Variants in IL18R1 observed in about 807,000 individuals in gnomAD.
IL18R1 encodes the protein interleukin-18 receptor 1.
In IL18R1, 40 loss-of-function variants were observed where a neutral mutation model predicts 48.5. The observed-to-expected ratio is 0.82, with a 90% CI of 0.64 to 1.07. IL18R1 has a LOEUF of 1.07. Among genes scored for constraint, IL18R1 ranks in the 50% least tolerant of loss-of-function variants. IL18R1 has a pLI of 0.00. For missense variants in IL18R1, 596 were observed against 633.7 expected (o/e 0.94, Z 0.64); for synonymous variants, 232 against 225.9 (o/e 1.03, Z -0.24).
chr2:102,373,942 A>T, intron 4 of IL18R1: 1 of 447,094 alleles, frequency 2.2e-6, no homozygotes, highest in Non-Finnish European at 4.5e-6. Flanking sequence ...CCCAGATAGG[A>T]CCACCTATTT....
intron 6 of IL18R1, among the ~76,000 whole-genome samples, chr2:102,382,437 T>C (rs1442306344): frequency 6.6e-6 from 1 of 152,128 alleles, no homozygotes; most frequent in African/African-American, 2.4e-5. Flanking sequence ...ATAAGTCTTA[T>C]GAATCAACAT....
At position 102,370,710 on chromosome 2, in the gene IL18R1, A is replaced by G. The variant is rs141175169; in HGVS notation, c.303-1243A>G. ...TTGTAGCAAGTGTGTGGCCTGAGTG[A>G]GTTGTTTAACCTGTCTGAGATTTAG... On this transcript the variant is annotated intron_variant, in intron 3 of 10. Transcript: ENST00000233957. 2.3e-3 allele frequency among the ~76,000 whole-genome samples: 357 copies of G among 152,354 alleles called. 1 individual carries two copies. The highest frequency in any genetic ancestry group is 4.4e-3 in the Non-Finnish European group (296 of 68,038).
intron 1 of IL18R1, among the ~76,000 whole-genome samples, chr2:102,361,332 A>G (rs1441005613): frequency 6.6e-6 from 1 of 152,170 alleles, no homozygotes; most frequent in Non-Finnish European, 1.5e-5. Context: ...TTTGGCCTTT[A>G]CATTATTGAT....
rs529465362 is a variant in IL18R1, at chr2:102,376,995, T to C, written c.625+932T>C. 2.6e-5 allele frequency among the ~76,000 whole-genome samples: 4 copies of C among 152,386 alleles called. No individual in the cohort carries two copies. The South Asian group carries it at 8.3e-4, about 32-fold the overall frequency. On this transcript the variant is annotated intron_variant, in intron 5 of 10. Transcript: ENST00000233957. ...TTCACAGATTAAATCTGGCTCCTTC[T>C]TAAAATGACAGCTCCTTTCGTGATT...
intron 1 of IL18R1, 95 bp from the exon 2 acceptor site, chr2:102,362,538 A>T (rs1486992307): frequency 2.8e-6 from 2 of 721,082 alleles, no homozygotes; most frequent in Non-Finnish European, 4.4e-6. Context: ...TTGTTTTTTT[A>T]AAAATCTGTG....
rs573268672 is a variant in IL18R1 at position 102,386,180 on chromosome 2, C to T, written c.810-681C>T. Among the ~76,000 whole-genome samples, 133 of 152,322 alleles carry T rather than the reference C, an allele frequency of 8.7e-4. 2 individuals carry two copies. The South Asian group carries it at 0.023, about 26-fold the overall frequency. ...GAATGTGGGCACATGGGGCCCATGT[C>T]TGGCTGTGTTGACTGGTGTAGCTAT... On this transcript the variant is annotated intron_variant, in intron 7 of 10. Transcript: ENST00000233957.
chr2:102,368,617 G>A lies in IL18R1; in HGVS notation c.302+549G>A, dbSNP rs181752400. Among the ~76,000 whole-genome samples the A allele has an allele frequency of 4.9e-4, 74 of 152,272 alleles. 2 individuals carry two copies. In the South Asian group the frequency reaches 0.014, roughly 29 times the overall value. ...TGGCGGCAGTGAGAGAGGGCAACACGGAAGGGCTTTGCATTTTACTCATGA... is the reference window on the plus strand; with the variant it reads ...TGGCGGCAGTGAGAGAGGGCAACACAGAAGGGCTTTGCATTTTACTCATGA... On this transcript the variant is annotated intron_variant, in intron 3 of 10. Transcript: ENST00000233957.
intron 8 of IL18R1, among the ~76,000 whole-genome samples, chr2:102,388,405 A>T (rs1278783544): frequency 6.6e-6 from 1 of 152,176 alleles, no homozygotes; most frequent in Admixed American, 6.5e-5. Flanking sequence ...TTAAATCTGG[A>T]ATCTGTGTTC....
At chr2:102,389,063 G>T (rs1278558355) in intron 8 of IL18R1, among the ~76,000 whole-genome samples, 2 of 151,806 alleles carry the variant, frequency 1.3e-5, no homozygotes, top group African/African-American at 4.8e-5. Flanking sequence ...TACATACAAG[G>T]TTACACATTT....
intron 6 of IL18R1, 119 bp from the exon 7 acceptor site, chr2:102,384,759 C>A: frequency 4.6e-6 from 5 of 1,087,260 alleles, no homozygotes; most frequent in Non-Finnish European, 5.3e-6. Flanking sequence ...TATTTATTCT[C>A]TTTCTGGGAT....
intron 1 of IL18R1, among the ~76,000 whole-genome samples, chr2:102,356,776 G>A (rs924129548): frequency 6.6e-6 from 1 of 152,158 alleles, no homozygotes; most frequent in Non-Finnish European, 1.5e-5. Flanking sequence ...ATAAAAGGGA[G>A]GAGGAATTCC....
intron 5 of IL18R1, among the ~76,000 whole-genome samples, chr2:102,378,696 TC>T (rs1177354456): frequency 6.6e-6 from 1 of 152,218 alleles, no homozygotes; most frequent in African/African-American, 2.4e-5. Flanking sequence ...CATCTTTGCA[TC>T]TTGGATACCT....
intron 9 of IL18R1, among the ~76,000 whole-genome samples, chr2:102,391,308 G>A (rs911207605): frequency 1.3e-5 from 2 of 151,990 alleles, no homozygotes; most frequent in African/African-American, 4.8e-5. Context: ...TATCAATACA[G>A]ATTCTTATTA....
At chr2:102,372,209 A>G in intron 4 of IL18R1, 91 bp downstream of exon 4, 1 of 1,064,362 alleles carries the variant, frequency 9.4e-7, no homozygotes, top group Non-Finnish European at 1.3e-6. Flanking sequence ...CTGGTCTCAT[A>G]ACAAATAAGC....
intron 4 of IL18R1, chr2:102,373,994 G>A (rs1559623609): frequency 2.3e-6 from 1 of 441,794 alleles, no homozygotes; most frequent in Non-Finnish European, 4.6e-6. Flanking sequence ...CTACATTATG[G>A]TGAGTTGTAT....
intron 10 of IL18R1, 107 bp downstream of exon 10, chr2:102,394,734 A>G (rs1247566720): frequency 1.1e-6 from 1 of 900,720 alleles, no homozygotes; most frequent in South Asian, 2.2e-5. Flanking sequence ...ACAAATGAAT[A>G]AGGTCCTTTA....
intron 10 of IL18R1, among the ~76,000 whole-genome samples, 186 bp downstream of exon 10, chr2:102,394,813 C>T (rs1223986062): frequency 2.0e-5 from 3 of 152,188 alleles, no homozygotes. Context: ...CCAATAGTCT[C>T]TTCTCTTGGG....
intron 6 of IL18R1, among the ~76,000 whole-genome samples, chr2:102,384,514 CTTTAA>C (rs1422995426): frequency 6.6e-6 from 1 of 152,016 alleles, no homozygotes; most frequent in Non-Finnish European, 1.5e-5. Flanking sequence ...ACTTTGATGT[CTTTAA>C]TGTTTGCTTA....
intron 9 of IL18R1, 89 bp from the exon 10 acceptor site, chr2:102,394,380 A>G: frequency 9.2e-7 from 1 of 1,089,168 alleles, no homozygotes; most frequent in East Asian, 2.5e-5. Flanking sequence ...CAATGATTCT[A>G]TACTCATTAC....
Sources: allele counts gnomAD v4.1 joint callset (sites outside exome capture counted in the v4.1 genomes callset), GRCh38; gene constraint gnomAD v4.1.1; transcripts MANE v1.5; gene names NCBI Gene and HGNC (gene_info 2026-07-23, HGNC 2026-07-21).